Variants in HLCS observed in about 807,000 individuals in gnomAD.
HLCS encodes the protein holocarboxylase synthetase, also known as biotin--protein ligase.
A neutral mutation model predicts 75.0 loss-of-function variants in HLCS; 53 were observed. The ratio of observed to expected loss-of-function variants is 0.71; its 90% CI spans 0.57 to 0.89. The LOEUF is 0.89. HLCS is among the 40% of genes least tolerant of loss of function. The pLI, the probability that HLCS is intolerant of heterozygous loss-of-function variation, is 0.00. For missense variants in HLCS, 966 were observed against 1,074.0 expected (o/e 0.90, Z 1.41); for synonymous variants, 431 against 428.6 (o/e 1.01, Z -0.07).
At chr21:36,831,343 T>A (rs1026156384) in intron 6 of HLCS, among the ~76,000 whole-genome samples, 2 of 152,222 alleles carry the variant, frequency 1.3e-5, no homozygotes, top group East Asian at 1.9e-4. Flanking sequence ...TCTTTGAGGG[T>A]AGCCAAAGGG....
chr21:36,876,174 C>A (rs1210085361), intron 6 of HLCS, among the ~76,000 whole-genome samples: 1 of 152,112 alleles, frequency 6.6e-6, no homozygotes, highest in African/African-American at 2.4e-5. Flanking sequence ...CCGTGGCAGG[C>A]ATGGGATCCA....
At chr21:36,879,278 T>C (rs1033629965) in intron 6 of HLCS, among the ~76,000 whole-genome samples, 1 of 152,192 alleles carries the variant, frequency 6.6e-6, no homozygotes, top group Non-Finnish European at 1.5e-5. Context: ...ATGGGGTCAC[T>C]ACAGAATTAT....
intron 6 of HLCS, among the ~76,000 whole-genome samples, chr21:36,820,322 G>C (rs929506965): frequency 2.0e-5 from 3 of 152,234 alleles, no homozygotes; most frequent in Non-Finnish European, 4.4e-5. Flanking sequence ...CGAGTTGAAG[G>C]GGCTGGAGCC....
chr21:36,948,307 A>T (rs1002051342), intron 2 of HLCS: 8 of 151,848 alleles, frequency 5.3e-5, no homozygotes, highest in Admixed American at 6.6e-5. Flanking sequence ...AAAAAAAAAA[A>T]AAGAATTTGA....
intron 2 of HLCS, among the ~76,000 whole-genome samples, chr21:36,948,466 T>C (rs1468132732): frequency 2.6e-5 from 4 of 151,284 alleles, no homozygotes; most frequent in African/African-American, 9.7e-5. Context: ...CAGTGGCTCA[T>C]GCCTGTAATC....
At chr21:36,778,745 T>C (rs2060440930) in intron 6 of HLCS, among the ~76,000 whole-genome samples, 1 of 152,242 alleles carries the variant, frequency 6.6e-6, no homozygotes, top group African/African-American at 2.4e-5. Flanking sequence ...TAGATTCTTA[T>C]TATTTCAGTA....
At chr21:36,890,592 G>A (rs530014346) in intron 6 of HLCS, among the ~76,000 whole-genome samples, 4 of 152,124 alleles carry the variant, frequency 2.6e-5, no homozygotes, top group South Asian at 2.1e-4. Context: ...AGGTGAAGGC[G>A]GTGGGGGGTT....
At chr21:36,862,965 A>C (rs2063432633) in intron 6 of HLCS, among the ~76,000 whole-genome samples, 1 of 148,874 alleles carries the variant, frequency 6.7e-6, no homozygotes, top group South Asian at 2.1e-4. Context: ...TTTTTTTTAA[A>C]GCGACGGGGT....
At chr21:36,782,016 C>G (rs2060549987) in intron 6 of HLCS, among the ~76,000 whole-genome samples, 1 of 151,732 alleles carries the variant, frequency 6.6e-6, no homozygotes, top group East Asian at 1.9e-4. Flanking sequence ...TTAAACCAAT[C>G]TTGCATTCCT....
intron 6 of HLCS, 44 bp downstream of exon 6, chr21:36,896,816 G>C (rs746198634): frequency 6.2e-7 from 1 of 1,606,634 alleles, no homozygotes; most frequent in Non-Finnish European, 8.5e-7. Flanking sequence ...ATGATCAATG[G>C]AACAGGACTC....
At chr21:36,824,676 T>C (rs1213030885) in intron 6 of HLCS, among the ~76,000 whole-genome samples, 2 of 152,210 alleles carry the variant, frequency 1.3e-5, no homozygotes, top group Admixed American at 1.3e-4. Context: ...GTTTTGTCCA[T>C]ACACGGTACA....
chr21:36,790,517 A>T (rs73212607), intron 6 of HLCS, among the ~76,000 whole-genome samples: 52,985 of 152,038 alleles, frequency 0.35, 9,500 homozygotes, highest in African/African-American at 0.41. Context: ...AGGAAGTGGG[A>T]CCTATGGTGT....
chr21:36,799,362 C>T (rs1283659048), intron 6 of HLCS, among the ~76,000 whole-genome samples: 1 of 152,220 alleles, frequency 6.6e-6, no homozygotes, highest in Non-Finnish European at 1.5e-5. Context: ...TACCCTGTTC[C>T]ATTCATCTGT....
upstream of HLCS, chr21:36,966,736 GC>G: frequency 4.4e-6 from 2 of 453,062 alleles, no homozygotes; most frequent in Non-Finnish European, 5.7e-6. Flanking sequence ...GCCCCCCCGG[GC>G]CAGGCGGCGC....
upstream of HLCS, among the ~76,000 whole-genome samples, chr21:36,967,890 T>C (rs10439668): frequency 0.21 from 31,422 of 152,006 alleles, 3,506 homozygotes; most frequent in East Asian, 0.34. Flanking sequence ...TGGCTAACTT[T>C]TGTATTTTTA....
intron 5 of HLCS, among the ~76,000 whole-genome samples, chr21:36,929,894 T>C (rs139129711): frequency 7.5e-4 from 114 of 152,352 alleles, no homozygotes; most frequent in African/African-American, 2.6e-3. Context: ...ACAAATGTGA[T>C]TGTTCCAAAG....
At chr21:36,803,446 GC>G (rs2061268428) in intron 6 of HLCS, among the ~76,000 whole-genome samples, 1 of 152,162 alleles carries the variant, frequency 6.6e-6, no homozygotes, top group Non-Finnish European at 1.5e-5. Flanking sequence ...TTCCAGAAAC[GC>G]TCGCACAGGG....
chr21:36,876,441 G>A (rs999442294), intron 6 of HLCS, among the ~76,000 whole-genome samples: 6 of 152,078 alleles, frequency 3.9e-5, no homozygotes, highest in East Asian at 1.9e-4. Flanking sequence ...CCATGATCAT[G>A]GTTTCTCTAC....
chr21:36,930,404 G>T lies in HLCS; in HGVS notation c.1467C>A (p.Asn489Lys). Reference protein sequence around the residue: ...QVHLELPPSSNIVQTPEDFNL... With the variant: ...QVHLELPPSSKIVQTPEDFNL... ...TAAAATCTTCTGGAGTTTGCACTAT[G>T]TTGGAGCTGGGAGGTAGTTCTAAGT... Residue 489 changes from asparagine to lysine, a missense_variant, in exon 5 of 11, where the codon AAC becomes AAA. Transcript: ENST00000674895. 1 of 1,614,168 alleles carries T rather than the reference G, an allele frequency of 6.2e-7. No individual in the cohort carries two copies. The highest frequency in any genetic ancestry group is 1.1e-5 in the South Asian group (1 of 91,082).
Sources: allele counts gnomAD v4.1 joint callset (sites outside exome capture counted in the v4.1 genomes callset), GRCh38; gene constraint gnomAD v4.1.1; transcripts MANE v1.5; gene names NCBI Gene and HGNC (gene_info 2026-07-23, HGNC 2026-07-21).